Variants in VPS41 observed in about 807,000 individuals in gnomAD.
VPS41 encodes VPS41 subunit of HOPS complex, also known as vacuolar protein sorting-associated protein 41 homolog.
A neutral mutation model predicts 130.9 loss-of-function variants in VPS41; 85 were observed. The ratio of observed to expected loss-of-function variants is 0.65; its 90% CI spans 0.55 to 0.78. VPS41 has a LOEUF of 0.78. VPS41 is among the 30% of genes least tolerant of loss of function. The pLI, the probability that VPS41 is intolerant of heterozygous loss-of-function variation, is 0.00. For missense variants in VPS41, 874 were observed against 1,018.7 expected (o/e 0.86, Z 1.93); for synonymous variants, 335 against 332.9 (o/e 1.01, Z -0.07).
intron 24 of VPS41, 49 bp downstream of exon 24, chr7:38,743,353 T>C: frequency 1.2e-6 from 2 of 1,608,134 alleles, no homozygotes; most frequent in Non-Finnish European, 1.7e-6. Context: ...CATAACTGGT[T>C]ACACTGAGAG....
At chr7:38,785,971 A>T (rs993572676) in intron 10 of VPS41, among the ~76,000 whole-genome samples, 13 of 152,342 alleles carry the variant, frequency 8.5e-5, no homozygotes, top group Non-Finnish European at 1.6e-4. Context: ...TAAAAAAACA[A>T]ATCTACTGCA....
At chr7:38,796,550 T>A (rs1355158668) in intron 8 of VPS41, 195 bp downstream of exon 8, 5 of 763,742 alleles carry the variant, frequency 6.5e-6, no homozygotes. Flanking sequence ...CAGAATATGT[T>A]GGGAATTACT....
At chr7:38,764,941 A>G (rs1784006301) in intron 16 of VPS41, among the ~76,000 whole-genome samples, 1 of 152,164 alleles carries the variant, frequency 6.6e-6, no homozygotes, top group African/African-American at 2.4e-5. Context: ...AAACCCAATG[A>G]GAAGTGTAAC....
chr7:38,726,370 T>A (rs1403294639), intron 28 of VPS41, 44 bp from the exon 29 acceptor site: 1 of 1,474,982 alleles, frequency 6.8e-7, no homozygotes, highest in Non-Finnish European at 9.4e-7. Flanking sequence ...AATGATCTTC[T>A]TTTTCTACTC....
At chr7:38,763,591 AAAC>A (rs766365817) in intron 16 of VPS41, 44 bp from the exon 17 acceptor site, 1 of 1,261,536 alleles carries the variant, frequency 7.9e-7, no homozygotes, top group African/African-American at 1.5e-5. Flanking sequence ...AAATATGAAA[AAAC>A]AAAACTGCAT....
chr7:38,850,795 C>T (rs1290129389), intron 4 of VPS41, among the ~76,000 whole-genome samples: 1 of 152,126 alleles, frequency 6.6e-6, no homozygotes, highest in Non-Finnish European at 1.5e-5. Flanking sequence ...CAAGAGTAAA[C>T]AGCCTCATTA....
intron 2 of VPS41, among the ~76,000 whole-genome samples, chr7:38,876,315 G>A (rs578104541): frequency 1.3e-5 from 2 of 152,234 alleles, no homozygotes; most frequent in South Asian, 4.1e-4. Context: ...AAAAAGAAAT[G>A]TTCTCACAAT....
chr7:38,794,365 C>T (rs866725435), intron 9 of VPS41, among the ~76,000 whole-genome samples: 1 of 152,146 alleles, frequency 6.6e-6, no homozygotes, highest in African/African-American at 2.4e-5. Flanking sequence ...AACATGAGGG[C>T]TGGGAGGGCC....
intron 2 of VPS41, among the ~76,000 whole-genome samples, chr7:38,891,189 T>C (rs768132612): frequency 1.5e-4 from 23 of 152,162 alleles, no homozygotes; most frequent in African/African-American, 5.1e-4. Context: ...CTGGGTTCCA[T>C]AGCTCTGCAA....
chr7:38,737,985 G>C (rs1426333350), intron 25 of VPS41, among the ~76,000 whole-genome samples: 1 of 152,180 alleles, frequency 6.6e-6, no homozygotes, highest in Non-Finnish European at 1.5e-5. Context: ...GTTTAATCTA[G>C]CCCCTGCTCC....
At chr7:38,814,532 C>T (rs906376044) in intron 7 of VPS41, among the ~76,000 whole-genome samples, 1 of 152,028 alleles carries the variant, frequency 6.6e-6, no homozygotes, top group African/African-American at 2.4e-5. Flanking sequence ...CGCCTGTAGT[C>T]CCAGCTACTC....
rs77299451 is a variant in VPS41, at chr7:38,831,796, A to G, written c.247-1468T>C. Among the ~76,000 whole-genome samples the G allele has an allele frequency of 2.4e-4, 37 of 152,354 alleles. No individual in the cohort carries two copies. In the East Asian group the frequency reaches 7.1e-3, roughly 29 times the overall value. On this transcript the variant is annotated intron_variant, in intron 4 of 28. Transcript: ENST00000310301. The stretch of plus-strand genomic sequence containing the variant: ...CTTCAAGAATTTATGTGAGTGGTCT[A>G]AAGCCACAGTGCTACTAAGGGCTAT...
intron 19 of VPS41, among the ~76,000 whole-genome samples, chr7:38,755,344 C>T (rs1783769677): frequency 6.6e-6 from 1 of 152,186 alleles, no homozygotes; most frequent in Admixed American, 6.5e-5. Flanking sequence ...CAACCTCGAC[C>T]TAGTCTCCCT....
chr7:38,761,259 CTCTCTTTT>C (rs1783908533), intron 17 of VPS41, among the ~76,000 whole-genome samples: 3 of 95,976 alleles, frequency 3.1e-5, no homozygotes, highest in African/African-American at 1.1e-4. Context: ...CTCTCTCTTC[CTCTCTTTT>C]TTTTTTTTTT....
At chr7:38,745,057 G>GCT (rs1292252584) in intron 23 of VPS41, among the ~76,000 whole-genome samples, 1 of 152,136 alleles carries the variant, frequency 6.6e-6, no homozygotes, top group African/African-American at 2.4e-5. Flanking sequence ...TTCTTGGTAT[G>GCT]CATGGTACAA....
intron 15 of VPS41, 188 bp from the exon 16 acceptor site, chr7:38,765,849 A>G (rs1309808714): frequency 4.2e-6 from 2 of 478,534 alleles, no homozygotes; most frequent in Non-Finnish European, 7.3e-6. Context: ...GGTTGCATAC[A>G]TAAATTAACA....
At chr7:38,735,495 GTCTC>G (rs1402317035) in intron 25 of VPS41, among the ~76,000 whole-genome samples, 4 of 152,212 alleles carry the variant, frequency 2.6e-5, no homozygotes, top group South Asian at 4.1e-4. Context: ...ACATGTGTGT[GTCTC>G]TGTGTGTGTA....
chr7:38,864,277 A>G (rs1020116120), intron 3 of VPS41, among the ~76,000 whole-genome samples: 1 of 152,240 alleles, frequency 6.6e-6, no homozygotes, highest in East Asian at 1.9e-4. Flanking sequence ...ATTTTATGGA[A>G]GTCAGAAGTT....
intron 4 of VPS41, among the ~76,000 whole-genome samples, chr7:38,851,793 C>T (rs1346163762): frequency 1.3e-5 from 2 of 152,162 alleles, no homozygotes; most frequent in East Asian, 1.9e-4. Flanking sequence ...AGTTCTAGTT[C>T]CTCCACATCC....
Sources: gnomAD v4.1 joint callset for allele counts (sites outside exome capture counted in the v4.1 genomes callset) on GRCh38, gnomAD v4.1.1 for gene constraint, MANE v1.5 for transcripts, NCBI Gene and HGNC (gene_info 2026-07-23, HGNC 2026-07-21) for gene names.